Variants in MAML3 observed in about 807,000 individuals in gnomAD.
MAML3 encodes mastermind like transcriptional coactivator 3, also known as mastermind-like protein 3.
A neutral mutation model predicts 101.9 loss-of-function variants in MAML3; 27 were observed. That is an observed-to-expected ratio of 0.27 (90% CI 0.20 to 0.37). The LOEUF (loss-of-function observed/expected upper bound fraction) is 0.37. MAML3 is among the 10% of genes least tolerant of loss of function. MAML3 has a pLI of 1.00. For missense variants in MAML3, 1,316 were observed against 1,444.9 expected (o/e 0.91, Z 1.45); for synonymous variants, 501 against 555.9 (o/e 0.90, Z 1.39).
At chr4:139,771,372 A>G (rs1195803934) in intron 2 of MAML3, among the ~76,000 whole-genome samples, 1 of 152,222 alleles carries the variant, frequency 6.6e-6, no homozygotes, top group Non-Finnish European at 1.5e-5. Flanking sequence ...TATTCCAGTG[A>G]CCAGCCACCT....
intron 1 of MAML3, among the ~76,000 whole-genome samples, chr4:139,908,484 C>T (rs1481874427): frequency 2.0e-5 from 3 of 152,140 alleles, no homozygotes; most frequent in Non-Finnish European, 4.4e-5. Flanking sequence ...GTTTAACCTA[C>T]TTAATATAGA....
At chr4:139,972,008 C>T (rs765652101) in intron 1 of MAML3, among the ~76,000 whole-genome samples, 54 of 152,194 alleles carry the variant, frequency 3.5e-4, no homozygotes, top group Non-Finnish European at 4.4e-5. Context: ...TTCTTTCTAT[C>T]TCACACTTTT....
intron 1 of MAML3, among the ~76,000 whole-genome samples, chr4:140,151,825 C>A (rs1465597529): frequency 6.6e-6 from 1 of 152,168 alleles, no homozygotes; most frequent in African/African-American, 2.4e-5. Flanking sequence ...GCCCCTTCCT[C>A]CTGGAGAAGT....
chr4:139,778,768 A>T (rs138767364), intron 2 of MAML3, among the ~76,000 whole-genome samples: 2,097 of 152,180 alleles, frequency 0.014, 37 homozygotes, highest in African/African-American at 0.048. Context: ...GTGGATCACG[A>T]GGTCAAGAGA....
chr4:140,008,398 G>C (rs565941575), intron 1 of MAML3, among the ~76,000 whole-genome samples: 3 of 152,150 alleles, frequency 2.0e-5, no homozygotes, highest in African/African-American at 7.2e-5. Context: ...GTGTTTACAG[G>C]TTTCTGACCT....
chr4:139,885,088 G>A (rs1053315494), intron 2 of MAML3, among the ~76,000 whole-genome samples: 12 of 152,146 alleles, frequency 7.9e-5, no homozygotes, highest in Non-Finnish European at 1.3e-4. Flanking sequence ...GACTTGAAAC[G>A]TTCCCATCAC....
At chr4:139,862,132 C>T (rs1177945410) in intron 2 of MAML3, among the ~76,000 whole-genome samples, 1 of 152,150 alleles carries the variant, frequency 6.6e-6, no homozygotes, top group Non-Finnish European at 1.5e-5. Flanking sequence ...TTGCTTGAAC[C>T]TGGGAGACGG....
chr4:139,776,115 A>G (rs566500618), intron 2 of MAML3, among the ~76,000 whole-genome samples: 8 of 152,262 alleles, frequency 5.3e-5, no homozygotes, highest in Non-Finnish European at 1.0e-4. Flanking sequence ...CTGCACAGAC[A>G]ATCTTCCAAT....
At chr4:139,913,403 C>T (rs947556283) in intron 1 of MAML3, among the ~76,000 whole-genome samples, 1 of 152,174 alleles carries the variant, frequency 6.6e-6, no homozygotes, top group Non-Finnish European at 1.5e-5. Flanking sequence ...TTTAAAATTT[C>T]TAAATCTGTC....
intron 2 of MAML3, among the ~76,000 whole-genome samples, chr4:139,840,165 C>T (rs1050747030): frequency 2.0e-5 from 3 of 152,228 alleles, no homozygotes; most frequent in Non-Finnish European, 1.5e-5. Context: ...CACTAAGACA[C>T]TACATGGTCC....
intron 2 of MAML3, among the ~76,000 whole-genome samples, chr4:139,752,555 C>G (rs1578582146): frequency 6.6e-6 from 1 of 152,114 alleles, no homozygotes; most frequent in East Asian, 1.9e-4. Context: ...GCTGGCAGGT[C>G]ATGGGAAGCT....
At chr4:140,054,769 A>C (rs962723206) in intron 1 of MAML3, among the ~76,000 whole-genome samples, 4 of 152,162 alleles carry the variant, frequency 2.6e-5, no homozygotes, top group African/African-American at 9.7e-5. Context: ...CCACCTTAGA[A>C]TCTTCAGTGG....
At chr4:139,757,045 C>A (rs1729670434) in intron 2 of MAML3, among the ~76,000 whole-genome samples, 1 of 152,172 alleles carries the variant, frequency 6.6e-6, no homozygotes. Context: ...CTCTGTGTTC[C>A]TGGCCTCTGA....
intron 2 of MAML3, among the ~76,000 whole-genome samples, chr4:139,875,082 C>T (rs1560821172): frequency 6.6e-6 from 1 of 152,154 alleles, no homozygotes; most frequent in Admixed American, 6.5e-5. Flanking sequence ...GGATTACAGG[C>T]GTGAGCCATC....
chr4:140,124,681 C>T (rs1284091667), intron 1 of MAML3, among the ~76,000 whole-genome samples: 1 of 152,218 alleles, frequency 6.6e-6, no homozygotes, highest in Non-Finnish European at 1.5e-5. Flanking sequence ...TTTGGACATT[C>T]AGGGTTTACC....
chr4:140,021,485 C>T (rs751418629), intron 1 of MAML3, among the ~76,000 whole-genome samples: 2 of 152,198 alleles, frequency 1.3e-5, no homozygotes, highest in Non-Finnish European at 2.9e-5. Context: ...AAGGTTAATA[C>T]TATTATTCCC....
At chr4:140,054,189 G>A (rs1727314392) in intron 1 of MAML3, among the ~76,000 whole-genome samples, 1 of 151,942 alleles carries the variant, frequency 6.6e-6, no homozygotes, top group Admixed American at 6.6e-5. Context: ...GGCCAACATG[G>A]TGAAACCCCA....
intron 2 of MAML3, among the ~76,000 whole-genome samples, chr4:139,811,794 ACT>A (rs1359777642): frequency 6.6e-6 from 1 of 152,178 alleles, no homozygotes; most frequent in Non-Finnish European, 1.5e-5. Flanking sequence ...GAAAAGCAAA[ACT>A]CTACATATTA....
At chr4:140,069,503 AG>A (rs1727603034) in intron 1 of MAML3, among the ~76,000 whole-genome samples, 1 of 109,706 alleles carries the variant, frequency 9.1e-6, no homozygotes. Flanking sequence ...GGAGGGGAGG[AG>A]GAGGAGAAGG....
Sources: allele counts gnomAD v4.1 joint callset (sites outside exome capture counted in the v4.1 genomes callset), GRCh38; gene constraint gnomAD v4.1.1; transcripts MANE v1.5; gene names NCBI Gene and HGNC (gene_info 2026-07-23, HGNC 2026-07-21).